ITPR2: variants seen among roughly 807,000 people sequenced by gnomAD.
ITPR2 encodes inositol 1,4,5-trisphosphate receptor type 2, also known as inositol 1,4,5-trisphosphate-gated calcium channel ITPR2.
A neutral mutation model predicts 317.1 loss-of-function variants in ITPR2; 207 were observed. The observed-to-expected ratio is 0.65, with a 90% CI of 0.58 to 0.73. The LOEUF is 0.73. ITPR2 is among the 30% of genes least tolerant of loss of function. The pLI is 0.00. For missense variants in ITPR2, 2,613 were observed against 3,284.0 expected (o/e 0.80, Z 4.99); for synonymous variants, 1,156 against 1,149.1 (o/e 1.01, Z -0.12).
chr12:26,594,465 G>A (rs773728292), intron 32 of ITPR2, among the ~76,000 whole-genome samples: 33 of 151,902 alleles, frequency 2.2e-4, no homozygotes, highest in Non-Finnish European at 3.7e-4. Flanking sequence ...ACAGATAACA[G>A]CATCTGTTCT....
chr12:26,793,625 C>T (rs1164835408), intron 1 of ITPR2, among the ~76,000 whole-genome samples: 5 of 152,088 alleles, frequency 3.3e-5, no homozygotes, highest in African/African-American at 4.8e-5. Flanking sequence ...CTGTCTTACT[C>T]ACCATTATAG....
intron 2 of ITPR2, among the ~76,000 whole-genome samples, chr12:26,768,757 C>A (rs1459527331): frequency 6.6e-6 from 1 of 151,984 alleles, no homozygotes; most frequent in Non-Finnish European, 1.5e-5. Context: ...CTTCCTACAA[C>A]AATTTGTAAC....
intron 23 of ITPR2, 101 bp downstream of exon 23, chr12:26,627,932 A>G: frequency 8.7e-7 from 1 of 1,150,398 alleles, no homozygotes; most frequent in Non-Finnish European, 1.2e-6. Context: ...AAAAAAATTT[A>G]AAAAGCACAA....
intron 37 of ITPR2, among the ~76,000 whole-genome samples, chr12:26,521,846 C>T (rs982731127): frequency 4.6e-5 from 7 of 152,100 alleles, no homozygotes; most frequent in African/African-American, 1.7e-4. Context: ...AGTTATATTC[C>T]CTGATGATAA....
chr12:26,582,035 T>C (rs1312228177), intron 32 of ITPR2, among the ~76,000 whole-genome samples: 2 of 152,136 alleles, frequency 1.3e-5, no homozygotes, highest in African/African-American at 4.8e-5. Context: ...ATCAAGACTT[T>C]CTTCAAAATC....
At chr12:26,811,889 C>A (rs1282603310) in intron 1 of ITPR2, among the ~76,000 whole-genome samples, 3 of 143,058 alleles carry the variant, frequency 2.1e-5, no homozygotes, top group Admixed American at 1.4e-4. Context: ...TAGGGCCGGG[C>A]GTGGTGGCTC....
chr12:26,776,522 A>G (rs1428396153), intron 2 of ITPR2, among the ~76,000 whole-genome samples: 1 of 152,224 alleles, frequency 6.6e-6, no homozygotes, highest in Non-Finnish European at 1.5e-5. Flanking sequence ...CAGCCTTGCC[A>G]GATGTCTACT....
At chr12:26,750,795 T>C (rs747362281) in intron 2 of ITPR2, among the ~76,000 whole-genome samples, 9 of 151,910 alleles carry the variant, frequency 5.9e-5, no homozygotes, top group Non-Finnish European at 8.8e-5. Context: ...AGTCGTGAAA[T>C]AGAGGAAAAT....
intron 8 of ITPR2, among the ~76,000 whole-genome samples, chr12:26,712,100 G>A (rs1351280111): frequency 6.6e-6 from 1 of 152,170 alleles, no homozygotes. Context: ...ATTCAGGCAT[G>A]TGAGTCTCAG....
chr12:26,593,800 A>G (rs766685324), intron 32 of ITPR2, among the ~76,000 whole-genome samples: 6 of 152,042 alleles, frequency 3.9e-5, no homozygotes, highest in Non-Finnish European at 7.3e-5. Flanking sequence ...TTGCAAATAC[A>G]TCGGTGAAAA....
intron 13 of ITPR2, among the ~76,000 whole-genome samples, chr12:26,674,108 T>C (rs1157159056): frequency 7.1e-6 from 1 of 141,336 alleles, no homozygotes; most frequent in African/African-American, 2.6e-5. Context: ...ATCGTGAAAA[T>C]GGCCATACTG....
At chr12:26,637,013 T>C (rs917757075) in intron 21 of ITPR2, among the ~76,000 whole-genome samples, 5 of 152,206 alleles carry the variant, frequency 3.3e-5, no homozygotes, top group Non-Finnish European at 5.9e-5. Flanking sequence ...CAATTAAAAC[T>C]GTGTACTGAA....
In ITPR2 at chr12:26,336,648, G is replaced by T. The variant is rs1042490263; in HGVS notation, c.*2749C>A. ...TTGAGCCTCAGAATGGAGCACAGAG[G>T]GAACAAAACCCTTTTGAAATTAAAA... On this transcript the variant is annotated 3_prime_UTR_variant, in exon 57 of 57. Coordinates refer to ENST00000381340, the MANE Select transcript of ITPR2 (RefSeq NM_002223.4). 6.6e-6 allele frequency: 1 copy of T among 151,976 alleles called. No homozygotes were observed. The highest frequency in any genetic ancestry group is 1.5e-5 in the Non-Finnish European group (1 of 67,994). 9.4% of individuals were successfully genotyped at this position (151,976 alleles called of 1,614,324 possible). A position where few individuals can be genotyped will look rare whatever the true frequency, so the allele number is the denominator to read the frequency against.
intron 37 of ITPR2, among the ~76,000 whole-genome samples, chr12:26,546,457 T>A (rs1036615037): frequency 1.3e-5 from 2 of 152,144 alleles, no homozygotes; most frequent in Non-Finnish European, 2.9e-5. Flanking sequence ...TGTCTTTTTG[T>A]ACCTGGCTTA....
At chr12:26,487,489 T>G (rs1390624019) in intron 39 of ITPR2, among the ~76,000 whole-genome samples, 1 of 152,212 alleles carries the variant, frequency 6.6e-6, no homozygotes, top group Non-Finnish European at 1.5e-5. Context: ...GCTGTTTAAT[T>G]TATCCTTACT....
At chr12:26,400,018 C>T in intron 53 of ITPR2, 110 bp downstream of exon 53, 1 of 1,147,840 alleles carries the variant, frequency 8.7e-7, no homozygotes, top group Non-Finnish European at 1.2e-6. Flanking sequence ...ACTTTTAAAG[C>T]AAATGGTACA....
intron 2 of ITPR2, among the ~76,000 whole-genome samples, chr12:26,753,658 A>G (rs1949469268): frequency 6.6e-6 from 1 of 152,252 alleles, no homozygotes; most frequent in African/African-American, 2.4e-5. Flanking sequence ...GTTTTGATTC[A>G]TGGGAAAAAG....
intron 44 of ITPR2, among the ~76,000 whole-genome samples, 169 bp downstream of exon 44, chr12:26,476,743 C>A (rs533907853): frequency 2.7e-4 from 41 of 152,268 alleles, no homozygotes; most frequent in African/African-American, 8.2e-4. Flanking sequence ...ATCACACAGG[C>A]CTTTGTCACC....
chr12:26,438,734 C>A (rs140519843), intron 47 of ITPR2, among the ~76,000 whole-genome samples: 2 of 152,288 alleles, frequency 1.3e-5, no homozygotes, highest in East Asian at 3.9e-4. Flanking sequence ...CCCTCAATCA[C>A]AGGACAACAG....
Sources: gnomAD v4.1 joint callset for allele counts (sites outside exome capture counted in the v4.1 genomes callset) on GRCh38, gnomAD v4.1.1 for gene constraint, MANE v1.5 for transcripts, NCBI Gene and HGNC (gene_info 2026-07-23, HGNC 2026-07-21) for gene names.